The following ATG4A variants were observed in gnomAD, a reference collection of about 807,000 sequenced individuals.
The protein encoded by ATG4A is autophagy related 4A cysteine peptidase, also known as cysteine protease ATG4A.
ATG4A carries 22 observed loss-of-function variants against 38.4 expected under a neutral mutation model. The ratio of observed to expected loss-of-function variants is 0.57; its 90% CI spans 0.41 to 0.82. ATG4A has a LOEUF of 0.82. ATG4A is among the 40% of genes least tolerant of loss of function. The pLI is 0.00. For synonymous variants in ATG4A, 86 were observed against 100.7 expected (o/e 0.85, Z 0.88); for missense variants, 220 against 290.0 (o/e 0.76, Z 1.75).
At chrX:108,126,232 G>A in intron 2 of ATG4A, 45 bp downstream of exon 2, 1 of 970,829 alleles carries the variant, frequency 1.0e-6, no homozygotes, top group Non-Finnish European at 1.5e-6. Flanking sequence ...GATGAGGTAG[G>A]CACCTGTGGT....
Position 108,146,215 on chromosome X carries a change from G to A in ATG4A, c.815-3937G>A, listed in dbSNP as rs539088753. 4.5e-5 allele frequency among the ~76,000 whole-genome samples: 5 copies of A among 112,028 alleles called. No homozygotes were observed. In the South Asian group the frequency reaches 1.9e-3, roughly 42 times the overall value. On this transcript the variant is annotated intron_variant, in intron 9 of 12. Coordinates refer to ENST00000372232, the MANE Select transcript of ATG4A (RefSeq NM_052936.5). The stretch of plus-strand genomic sequence containing the variant: ...ACTGGCTCAAGTCTGGAAATTGATT[G>A]ATGGGCTGTGATTCTCTGTTTCTGT...
chrX:108,152,322 T>A (rs1291833514), intron 11 of ATG4A, among the ~76,000 whole-genome samples: 3 of 110,550 alleles, frequency 2.7e-5, no homozygotes, highest in Non-Finnish European at 5.7e-5. Context: ...GCAACCTCCG[T>A]CTCCAGGTTC....
chrX:108,131,459 A>G, intron 4 of ATG4A, 101 bp downstream of exon 4: 1 of 818,240 alleles, frequency 1.2e-6, no homozygotes, highest in South Asian at 2.5e-5. Flanking sequence ...ACTCAGTAAC[A>G]AACTTGAGGG....
chrX:108,129,569 C>CTTTTTTTTTT (rs764613277), intron 3 of ATG4A, among the ~76,000 whole-genome samples: 1 of 96,188 alleles, frequency 1.0e-5, no homozygotes, highest in Non-Finnish European at 2.1e-5. Flanking sequence ...TCTTTTCTTT[C>CTTTTTTTTTT]TTTTTTTTTT....
intron 1 of ATG4A, among the ~76,000 whole-genome samples, chrX:108,103,136 T>TCAA (rs1193552949): frequency 4.5e-5 from 5 of 111,651 alleles, no homozygotes; most frequent in African/African-American, 1.6e-4. Flanking sequence ...GGCTTCCAGC[T>TCAA]CTATCCATGT....
chrX:108,112,713 C>G (rs958215192), intron 1 of ATG4A, among the ~76,000 whole-genome samples: 2 of 111,258 alleles, frequency 1.8e-5, no homozygotes, highest in East Asian at 5.6e-4. Context: ...ACTTCTTAAA[C>G]AGTATATAGA....
intron 9 of ATG4A, among the ~76,000 whole-genome samples, chrX:108,138,538 A>C (rs2033161461): frequency 8.9e-6 from 1 of 112,084 alleles, no homozygotes; most frequent in Non-Finnish European, 1.9e-5. Flanking sequence ...CTTTGCCAAT[A>C]TCTCTCTTAT....
rs145152112 is a variant in ATG4A at position 108,136,521 on chromosome X, A to G, written c.468-570A>G. 7.7e-4 allele frequency among the ~76,000 whole-genome samples: 86 copies of G among 111,688 alleles called. 2 individuals are homozygous for G. The East Asian group carries it at 0.023, about 29-fold the overall frequency. ...TGGCACCCGAGTCAATCTGCAGCCT[A>G]TGTCACTTGAGAGGCACTCTCAGGG... is the stretch of plus-strand genomic sequence containing the variant. On this transcript the variant is annotated intron_variant, in intron 6 of 12. Transcript: ENST00000372232.
At chrX:108,095,504 G>A (rs1051405670) in intron 1 of ATG4A, among the ~76,000 whole-genome samples, 1 of 111,341 alleles carries the variant, frequency 9.0e-6, no homozygotes, top group Non-Finnish European at 1.9e-5. Flanking sequence ...GATTACAGGT[G>A]TGAGCCACCA....
intron 1 of ATG4A, among the ~76,000 whole-genome samples, chrX:108,110,973 G>C (rs749304484): frequency 1.8e-5 from 2 of 111,425 alleles, no homozygotes; most frequent in Admixed American, 1.9e-4. Context: ...GCACCATCAC[G>C]GCTCACTGCA....
At chrX:108,099,754 G>C (rs774463005) in intron 1 of ATG4A, among the ~76,000 whole-genome samples, 129 of 111,656 alleles carry the variant, frequency 1.2e-3, no homozygotes, top group Non-Finnish European at 1.9e-3. Flanking sequence ...AATTGCTTTT[G>C]CACTGTTGTA....
At chrX:108,100,084 T>C (rs1211763798) in intron 1 of ATG4A, among the ~76,000 whole-genome samples, 1 of 111,885 alleles carries the variant, frequency 8.9e-6, no homozygotes, top group East Asian at 2.8e-4. Flanking sequence ...TTCCAATCCA[T>C]GAGCACCATA....
Position 108,153,800 on chromosome X carries a change from G to A in ATG4A, c.*88G>A, listed in dbSNP as rs959796868. ...TGCATAAAACTTTTCTAGTCAGCAA[G>A]TGCCTGATATGCCAATAGCATACAA... On this transcript the variant is annotated 3_prime_UTR_variant, in exon 13 of 13. Transcript: ENST00000372232. 4 of 707,639 alleles carry A rather than the reference G, an allele frequency of 5.7e-6. No homozygotes were observed. The African/African-American group carries it at 8.5e-5, about 15-fold the overall frequency. 58.3% of individuals were successfully genotyped at this position (707,639 alleles called of 1,213,427 possible).
chrX:108,089,094 G>C (rs182941401), upstream of ATG4A, among the ~76,000 whole-genome samples: 1 of 112,464 alleles, frequency 8.9e-6, no homozygotes, highest in East Asian at 2.8e-4. Context: ...AAGTAGTAGA[G>C]CAAGAAACTG....
At chrX:108,127,128 C>T (rs2032818330) in intron 2 of ATG4A, 1 of 125,377 alleles carries the variant, frequency 8.0e-6, no homozygotes, top group Non-Finnish European at 1.6e-5. Context: ...TCTTAACTTC[C>T]TTCAGTGGTA....
At chrX:108,121,439 T>A (rs1312952884) in intron 1 of ATG4A, among the ~76,000 whole-genome samples, 2 of 111,087 alleles carry the variant, frequency 1.8e-5, no homozygotes, top group Non-Finnish European at 3.8e-5. Context: ...ACCCCCATGG[T>A]TTTCTGCCAC....
chrX:108,134,561 G>A (rs768002669), intron 6 of ATG4A, 150 bp downstream of exon 6: 86 of 474,039 alleles, frequency 1.8e-4, no homozygotes, highest in Middle Eastern at 7.3e-4. Flanking sequence ...ATTTTGCTCA[G>A]ATGGCTCTTT....
chrX:108,126,247 G>C, intron 2 of ATG4A, 60 bp downstream of exon 2: 2 of 849,151 alleles, frequency 2.4e-6, no homozygotes, highest in Non-Finnish European at 3.5e-6. Context: ...TGTGGTTCAG[G>C]GTTTGTACTT....
chrX:108,141,055 T>TAC (rs2033253930), intron 9 of ATG4A, among the ~76,000 whole-genome samples: 2 of 56,079 alleles, frequency 3.6e-5, no homozygotes, highest in Non-Finnish European at 6.2e-5. Context: ...TATACATATA[T>TAC]ACGTGTATAT....
Sources: allele counts gnomAD v4.1 joint callset (sites outside exome capture counted in the v4.1 genomes callset), GRCh38; gene constraint gnomAD v4.1.1; transcripts MANE v1.5; gene names NCBI Gene and HGNC (gene_info 2026-07-23, HGNC 2026-07-21).